SNTG2: variants seen among roughly 807,000 people sequenced by gnomAD.
SNTG2 encodes the protein syntrophin gamma 2, also known as gamma-2-syntrophin.
Under a neutral mutation model 70.9 loss-of-function variants are expected in SNTG2, and 74 were observed. The ratio of observed to expected loss-of-function variants is 1.04; its 90% CI spans 0.86 to 1.27. The LOEUF (loss-of-function observed/expected upper bound fraction) is 1.27. Ranked by LOEUF, SNTG2 falls within the 50% of genes most tolerant of loss-of-function variation. SNTG2 has a pLI of 0.00. For missense variants in SNTG2, 717 were observed against 690.7 expected (o/e 1.04, Z -0.43); for synonymous variants, 278 against 273.8 (o/e 1.02, Z -0.15).
At chr2:1,311,950 G>T (rs1681013646) in intron 15 of SNTG2, among the ~76,000 whole-genome samples, 1 of 152,084 alleles carries the variant, frequency 6.6e-6, no homozygotes, top group Non-Finnish European at 1.5e-5. Context: ...GACTTGGGAG[G>T]CCAACCCAAC....
intron 1 of SNTG2, among the ~76,000 whole-genome samples, chr2:1,072,660 A>G (rs1663653884): frequency 6.6e-6 from 1 of 152,230 alleles, no homozygotes; most frequent in Non-Finnish European, 1.5e-5. Flanking sequence ...CAAGTCAGGA[A>G]TCAAGGTGTA....
rs1322824210 is a variant in SNTG2 at position 1,222,073 on chromosome 2, G to GTCTCTCTCTGTCTC, written c.719+12848_719+12849insCTCTGTCTCTCTCT. Among the ~76,000 whole-genome samples, 2 of 4,638 alleles carry GTCTCTCTCTGTCTC rather than the reference G, an allele frequency of 4.3e-4. 1 individual carries two copies. The highest frequency in any genetic ancestry group is 8.2e-4 in the Non-Finnish European group (2 of 2,428). 3.0% of individuals were successfully genotyped at this position (4,638 alleles called of 152,430 possible). On this transcript the variant is annotated intron_variant, in intron 9 of 16. Coordinates refer to ENST00000308624, the MANE Select transcript of SNTG2 (RefSeq NM_018968.4). ...TCTCTCTCTGTCTCTGTTTCTCTCT[G>GTCTCTCTCTGTCTC]TCTCTGTCTCTGTCTCTCTCTGTCT...
At chr2:1,005,856 TATATATATATATATATATAA>T (rs1237002197) in intron 1 of SNTG2, among the ~76,000 whole-genome samples, 2 of 22,774 alleles carry the variant, frequency 8.8e-5, no homozygotes, top group African/African-American at 3.3e-4. Flanking sequence ...TATATATATA[TATATATATATATATATATAA>T]ACGTTGACAT....
intron 1 of SNTG2, among the ~76,000 whole-genome samples, chr2:964,831 G>A (rs1236960715): frequency 6.6e-6 from 1 of 152,254 alleles, no homozygotes; most frequent in East Asian, 1.9e-4. Flanking sequence ...TTCCATGCTT[G>A]GGGTAGGTTC....
At chr2:1,016,921 A>T (rs1198333577) in intron 1 of SNTG2, among the ~76,000 whole-genome samples, 1 of 152,172 alleles carries the variant, frequency 6.6e-6, no homozygotes, top group African/African-American at 2.4e-5. Flanking sequence ...TCTTATCAGG[A>T]GAAAATTACT....
intron 8 of SNTG2, among the ~76,000 whole-genome samples, chr2:1,190,515 A>G (rs1672524408): frequency 1.3e-5 from 1 of 75,578 alleles, no homozygotes; most frequent in South Asian, 4.1e-4. Context: ...ATATATATAT[A>G]TATATATATA....
At chr2:1,068,090 A>G (rs1663276352) in intron 1 of SNTG2, 1 of 152,092 alleles carries the variant, frequency 6.6e-6, no homozygotes, top group Admixed American at 6.5e-5. Flanking sequence ...CTGCTAAGAG[A>G]TCCTATTGCC....
chr2:1,065,959 G>T (rs1663121547), intron 1 of SNTG2, among the ~76,000 whole-genome samples: 1 of 152,104 alleles, frequency 6.6e-6, no homozygotes, highest in Non-Finnish European at 1.5e-5. Context: ...TATCTAAAAT[G>T]CTTTATATAG....
intron 6 of SNTG2, among the ~76,000 whole-genome samples, chr2:1,162,526 C>T (rs1670388286): frequency 2.0e-5 from 3 of 152,218 alleles, no homozygotes; most frequent in Middle Eastern, 3.4e-3. Context: ...ATTACAGTGG[C>T]TGTCACTTGC....
chr2:1,020,227 GT>G (rs1410751080), intron 1 of SNTG2, among the ~76,000 whole-genome samples: 1 of 152,240 alleles, frequency 6.6e-6, no homozygotes, highest in African/African-American at 2.4e-5. Context: ...TAGACGTGGG[GT>G]GGATGGTGGA....
intron 4 of SNTG2, chr2:1,103,379 C>CTTTTTTTTTTTTTTTTTTTTTTTTTTT (rs758261408): frequency 4.1e-6 from 1 of 241,158 alleles, no homozygotes; most frequent in African/African-American, 2.5e-5. Flanking sequence ...TTATAAATTT[C>CTTTTTTTTTTTTTTTTTTTTTTTTTTT]TTTTTTTTTT....
chr2:985,624 A>C (rs1661280516), intron 1 of SNTG2, among the ~76,000 whole-genome samples: 1 of 152,154 alleles, frequency 6.6e-6, no homozygotes, highest in African/African-American at 2.4e-5. Flanking sequence ...AGATGCTGGT[A>C]AACTGATATC....
rs577992859 is a variant in SNTG2, at chr2:1,035,979, T to G, written c.73-47539T>G. Among the ~76,000 whole-genome samples, 3 of 152,356 alleles carry G rather than the reference T, an allele frequency of 2.0e-5. No individual in the cohort carries two copies. The South Asian group carries it at 6.2e-4, about 32-fold the overall frequency. On this transcript the variant is annotated intron_variant, in intron 1 of 16. Transcript: ENST00000308624. ...AAACATCATAATTGTATTTCCTACCTTATTAATTTGACTGGGATTTTTCTG... is the reference window on the plus strand; with the variant it reads ...AAACATCATAATTGTATTTCCTACCGTATTAATTTGACTGGGATTTTTCTG...
intron 15 of SNTG2, among the ~76,000 whole-genome samples, chr2:1,311,156 G>T (rs572891037): frequency 6.6e-6 from 1 of 152,166 alleles, no homozygotes; most frequent in Admixed American, 6.5e-5. Context: ...TTCTCTGCTC[G>T]CTGTCCTCTC....
chr2:1,272,080 CA>C (rs1679052810), intron 14 of SNTG2, among the ~76,000 whole-genome samples: 2 of 152,132 alleles, frequency 1.3e-5, no homozygotes, highest in South Asian at 2.1e-4. Flanking sequence ...CGGACAGGGC[CA>C]GGGGGATGGT....
intron 12 of SNTG2, among the ~76,000 whole-genome samples, chr2:1,256,152 T>C (rs1174976166): frequency 6.6e-6 from 1 of 151,898 alleles, no homozygotes; most frequent in African/African-American, 2.4e-5. Flanking sequence ...CATTACTGCC[T>C]ATGAGTTCCT....
At chr2:1,081,752 G>A (rs936748735) in intron 1 of SNTG2, among the ~76,000 whole-genome samples, 1 of 152,258 alleles carries the variant, frequency 6.6e-6, no homozygotes, top group Non-Finnish European at 1.5e-5. Flanking sequence ...AATCTCACCC[G>A]TGTACAGCCC....
intron 10 of SNTG2, 39 bp from the exon 11 acceptor site, chr2:1,239,699 G>A (rs1490574245): frequency 1.2e-6 from 2 of 1,609,294 alleles, no homozygotes; most frequent in Non-Finnish European, 1.7e-6. Context: ...TCCTGGTGTT[G>A]GTGGCTGTGG....
chr2:1,189,918 G>A (rs1455125261), intron 8 of SNTG2, among the ~76,000 whole-genome samples: 6 of 152,080 alleles, frequency 3.9e-5, no homozygotes, highest in African/African-American at 1.4e-4. Flanking sequence ...AAATAAGGAA[G>A]CTTAGAATAA....
Sources: allele counts gnomAD v4.1 joint callset (sites outside exome capture counted in the v4.1 genomes callset), GRCh38; gene constraint gnomAD v4.1.1; transcripts MANE v1.5; gene names NCBI Gene and HGNC (gene_info 2026-07-23, HGNC 2026-07-21).